The following MACROD2 variants were observed in gnomAD, a reference collection of about 807,000 sequenced individuals.
MACROD2 encodes mono-ADP ribosylhydrolase 2.
Under a neutral mutation model 70.4 loss-of-function variants are expected in MACROD2, and 36 were observed. The ratio of observed to expected loss-of-function variants is 0.51; its 90% CI spans 0.39 to 0.68. The LOEUF is 0.68. Ranked by LOEUF, MACROD2 falls within the 30% of genes least tolerant of loss-of-function variation. The probability of loss-of-function intolerance (pLI) is 0.00; values close to 1 mark genes in which losing one functional copy is unlikely to be tolerated. For missense variants in MACROD2, 496 were observed against 538.4 expected (o/e 0.92, Z 0.78); for synonymous variants, 172 against 178.8 (o/e 0.96, Z 0.30).
chr20:15,406,246 G>A (rs903891794), intron 6 of MACROD2, among the ~76,000 whole-genome samples: 4 of 152,196 alleles, frequency 2.6e-5, no homozygotes, highest in South Asian at 2.1e-4. Context: ...AATGATTACC[G>A]TGCTCAGGGA....
At chr20:15,563,441 T>C (rs1312070373) in intron 8 of MACROD2, among the ~76,000 whole-genome samples, 1 of 152,202 alleles carries the variant, frequency 6.6e-6, no homozygotes, top group Non-Finnish European at 1.5e-5. Context: ...AGCCTTTCTC[T>C]AAACATCTCT....
intron 6 of MACROD2, among the ~76,000 whole-genome samples, chr20:15,298,437 A>G: frequency 6.6e-6 from 1 of 152,176 alleles, no homozygotes; most frequent in Non-Finnish European, 1.5e-5. Flanking sequence ...GGCAGGGAAG[A>G]GAAATGGAAG....
At chr20:14,258,592 C>A (rs1305096880) in intron 3 of MACROD2, among the ~76,000 whole-genome samples, 1 of 151,960 alleles carries the variant, frequency 6.6e-6, no homozygotes, top group African/African-American at 2.4e-5. Context: ...TTTGAGCTCC[C>A]TGTAGATTCT....
intron 3 of MACROD2, among the ~76,000 whole-genome samples, chr20:14,338,354 C>T (rs1601505646): frequency 6.6e-6 from 1 of 152,008 alleles, no homozygotes; most frequent in Non-Finnish European, 1.5e-5. Flanking sequence ...GCAACAAGAA[C>T]GAAACTCCAT....
At position 15,534,716 on chromosome 20, in the gene MACROD2, G is replaced by A. The variant is rs889671857; in HGVS notation, c.645+34869G>A. Among the ~76,000 whole-genome samples, 79 of 152,264 alleles carry A rather than the reference G, an allele frequency of 5.2e-4. 1 individual carries two copies. Among genetic ancestry groups the A allele is most frequent in the African/African-American group, 1.9e-3 (78 of 41,554 alleles). ...AACAGTATAATTTTTAGCAATTCAT[G>A]TAGATTTGATGCCAGACCTGGCTGC... On this transcript the variant is annotated intron_variant, in intron 8 of 17. Coordinates refer to ENST00000684519, the MANE Select transcript of MACROD2 (RefSeq NM_001351661.2).
chr20:14,267,865 T>A (rs2082156513), intron 3 of MACROD2, among the ~76,000 whole-genome samples: 1 of 151,944 alleles, frequency 6.6e-6, no homozygotes, highest in South Asian at 2.1e-4. Context: ...TATGAGGGAT[T>A]CATAGACCCC....
intron 5 of MACROD2, among the ~76,000 whole-genome samples, chr20:15,163,495 T>A (rs1377971744): frequency 6.6e-6 from 1 of 152,028 alleles, no homozygotes; most frequent in Non-Finnish European, 1.5e-5. Context: ...ATTAGAAGCT[T>A]TGAATAGTAC....
rs571008601 is a variant in MACROD2, at chr20:14,494,931, G to T, written c.301+1423G>T. Among the ~76,000 whole-genome samples, 16 of 152,174 alleles carry T rather than the reference G, an allele frequency of 1.1e-4. No homozygotes were observed. In the South Asian group the frequency reaches 3.3e-3, roughly 32 times the overall value. ...GTCCATAGTGCTGATTTTCTTACAAGATATATTAGTATTTTAAGAAACCTC... is the reference window on the plus strand; with the variant it reads ...GTCCATAGTGCTGATTTTCTTACAATATATATTAGTATTTTAAGAAACCTC... On this transcript the variant is annotated intron_variant, in intron 4 of 17. Transcript: ENST00000684519.
chr20:15,149,932 G>A (rs2076257201), intron 5 of MACROD2, among the ~76,000 whole-genome samples: 1 of 151,996 alleles, frequency 6.6e-6, no homozygotes, highest in African/African-American at 2.4e-5. Flanking sequence ...AGGATCTATG[G>A]GGTCAGCTAG....
intron 3 of MACROD2, among the ~76,000 whole-genome samples, chr20:14,340,661 A>G (rs1278460030): frequency 6.6e-6 from 1 of 152,086 alleles, no homozygotes; most frequent in Non-Finnish European, 1.5e-5. Context: ...TCTAGTAGAT[A>G]TTTTGGGTTG....
intron 6 of MACROD2, among the ~76,000 whole-genome samples, chr20:15,384,323 T>A (rs572836606): frequency 4.1e-4 from 63 of 152,250 alleles, no homozygotes; most frequent in African/African-American, 1.5e-3. Flanking sequence ...AGTGGTGCAA[T>A]CTTGGCTCAC....
intron 4 of MACROD2, among the ~76,000 whole-genome samples, chr20:14,637,044 A>G (rs1984823929): frequency 6.6e-6 from 1 of 152,232 alleles, no homozygotes. Flanking sequence ...TTCATACTCT[A>G]CAAACAAGAT....
intron 10 of MACROD2, among the ~76,000 whole-genome samples, chr20:15,899,278 AC>A (rs2065027280): frequency 6.6e-6 from 1 of 152,114 alleles, no homozygotes; most frequent in African/African-American, 2.4e-5. Flanking sequence ...ATCTTTACAT[AC>A]ATACAGATAT....
chr20:14,325,882 A>G (rs968800103), intron 3 of MACROD2: 4 of 1,613,874 alleles, frequency 2.5e-6, no homozygotes, highest in African/African-American at 1.3e-5. Flanking sequence ...AAGAAGGGCA[A>G]TGGTAACCAG....
intron 2 of MACROD2, among the ~76,000 whole-genome samples, chr20:14,013,925 C>G (rs1294413122): frequency 6.6e-6 from 1 of 152,066 alleles, no homozygotes; most frequent in Non-Finnish European, 1.5e-5. Context: ...CCACCTGCCT[C>G]AGGCTCCCAA....
chr20:14,362,509 C>T (rs1483183386), intron 3 of MACROD2, among the ~76,000 whole-genome samples: 2 of 152,170 alleles, frequency 1.3e-5, no homozygotes, highest in Non-Finnish European at 2.9e-5. Flanking sequence ...ACCATTCATG[C>T]CTTAATGGAG....
intron 2 of MACROD2, among the ~76,000 whole-genome samples, chr20:14,008,073 G>A (rs1445748861): frequency 6.6e-6 from 1 of 152,094 alleles, no homozygotes; most frequent in Non-Finnish European, 1.5e-5. Context: ...AGACAAAGAT[G>A]GCCTCTCTCA....
intron 3 of MACROD2, among the ~76,000 whole-genome samples, chr20:14,443,989 A>G (rs1174410713): frequency 3.3e-5 from 5 of 152,172 alleles, no homozygotes; most frequent in Admixed American, 6.5e-5. Context: ...AGCAGCTTAC[A>G]TTTTAATTTA....
rs980477366 is a variant in MACROD2 at position 14,575,687 on chromosome 20, A to G, written c.301+82179A>G. ...AGTTTATTAATGTTGGCATATGTAC[A>G]TTTTATAAATAAAATTTTAATATTC... On this transcript the variant is annotated intron_variant, in intron 4 of 17. Transcript: ENST00000684519. Among the ~76,000 whole-genome samples, 9 of 152,338 alleles carry G rather than the reference A, an allele frequency of 5.9e-5. No homozygotes were observed. In the East Asian group the frequency reaches 1.7e-3, roughly 29 times the overall value.
Sources: gnomAD v4.1 joint callset for allele counts (sites outside exome capture counted in the v4.1 genomes callset) on GRCh38, gnomAD v4.1.1 for gene constraint, MANE v1.5 for transcripts, NCBI Gene and HGNC (gene_info 2026-07-23, HGNC 2026-07-21) for gene names.